CYTH3: variants seen among roughly 807,000 people sequenced by gnomAD.
CYTH3 encodes the protein cytohesin 3.
A neutral mutation model predicts 55.1 loss-of-function variants in CYTH3; 23 were observed. The ratio of observed to expected loss-of-function variants is 0.42; its 90% CI spans 0.30 to 0.59. CYTH3 has a LOEUF of 0.59. CYTH3 is among the 20% of genes least tolerant of loss of function. The pLI is 0.20. For synonymous variants in CYTH3, 249 were observed against 194.9 expected (o/e 1.28, Z -2.31); for missense variants, 413 against 524.8 (o/e 0.79, Z 2.08).
At chr7:6,210,550 T>C (rs928922690) in intron 1 of CYTH3, among the ~76,000 whole-genome samples, 22 of 152,238 alleles carry the variant, frequency 1.4e-4, no homozygotes, top group African/African-American at 5.1e-4. Flanking sequence ...AGAACTTAAG[T>C]TGGGAAGATA....
chr7:6,252,825 T>C (rs1780008816), intron 1 of CYTH3, among the ~76,000 whole-genome samples: 2 of 152,246 alleles, frequency 1.3e-5, no homozygotes, highest in African/African-American at 4.8e-5. Flanking sequence ...AATTTTCCAA[T>C]TGTTAAGTTC....
intron 1 of CYTH3, among the ~76,000 whole-genome samples, chr7:6,202,940 G>A (rs1000296255): frequency 2.0e-5 from 3 of 152,008 alleles, no homozygotes; most frequent in South Asian, 2.1e-4. Context: ...TAAAACATAC[G>A]AATACATAAA....
At position 6,272,537 on chromosome 7, in the gene CYTH3, G is replaced by C; in HGVS notation, c.-30C>G. The C allele has an allele frequency of 2.3e-6, 3 of 1,308,284 alleles. No homozygotes were observed. The highest frequency in any genetic ancestry group is 1.5e-5 in the African/African-American group (1 of 64,576). 81.0% of individuals were successfully genotyped at this position (1,308,284 alleles called of 1,614,324 possible). The stretch of plus-strand genomic sequence containing the variant: ...AGGCCACTCCCGCAGCCGGCGAGCC[G>C]GGGGCCGGCAGCAGAGGGGCCGCGG... On this transcript the variant is annotated 5_prime_UTR_variant, in exon 1 of 13. Coordinates refer to ENST00000350796, the MANE Select transcript of CYTH3 (RefSeq NM_004227.4).
chr7:6,234,919 G>T (rs1008405761), intron 1 of CYTH3, among the ~76,000 whole-genome samples: 6 of 152,166 alleles, frequency 3.9e-5, no homozygotes, highest in African/African-American at 1.2e-4. Context: ...AGGTCATTCA[G>T]TTATCAATGG....
At chr7:6,259,449 A>G (rs933274911) in intron 1 of CYTH3, among the ~76,000 whole-genome samples, 2 of 152,028 alleles carry the variant, frequency 1.3e-5, no homozygotes, top group Non-Finnish European at 2.9e-5. Flanking sequence ...AAAGTAAATC[A>G]AAATATCTTC....
chr7:6,244,059 A>C (rs997126078), intron 1 of CYTH3, among the ~76,000 whole-genome samples: 3 of 152,228 alleles, frequency 2.0e-5, no homozygotes, highest in Non-Finnish European at 4.4e-5. Context: ...CTGGTACTAA[A>C]ATAGTAAGTA....
At chr7:6,221,040 T>C (rs1483803436) in intron 1 of CYTH3, among the ~76,000 whole-genome samples, 1 of 151,624 alleles carries the variant, frequency 6.6e-6, no homozygotes, top group Non-Finnish European at 1.5e-5. Flanking sequence ...TCCAGCAATA[T>C]CACCTGAGAA....
At chr7:6,204,799 T>C (rs1172000973) in intron 1 of CYTH3, among the ~76,000 whole-genome samples, 1 of 152,214 alleles carries the variant, frequency 6.6e-6, no homozygotes, top group Non-Finnish European at 1.5e-5. Context: ...TATCGAACTA[T>C]AACAAACTAC....
At chr7:6,196,388 C>A (rs1385728072) in intron 1 of CYTH3, among the ~76,000 whole-genome samples, 1 of 151,734 alleles carries the variant, frequency 6.6e-6, no homozygotes, top group Non-Finnish European at 1.5e-5. Flanking sequence ...AAGAAGCAAG[C>A]AGGCAGTTCT....
chr7:6,234,308 G>C (rs982781562), intron 1 of CYTH3, among the ~76,000 whole-genome samples: 4 of 152,062 alleles, frequency 2.6e-5, no homozygotes, highest in African/African-American at 4.8e-5. Flanking sequence ...CACTGCCCTG[G>C]AAAAAGAAGA....
intron 1 of CYTH3, among the ~76,000 whole-genome samples, chr7:6,211,103 T>A (rs1784309987): frequency 6.6e-6 from 1 of 152,212 alleles, no homozygotes; most frequent in South Asian, 2.1e-4. Flanking sequence ...GTTCCTCACC[T>A]GAGCCTATAG....
chr7:6,166,988 C>T (rs893809730), intron 9 of CYTH3, among the ~76,000 whole-genome samples: 1 of 152,132 alleles, frequency 6.6e-6, no homozygotes, highest in Non-Finnish European at 1.5e-5. Context: ...CTGCATCTCC[C>T]CAGCCCTCAG....
intron 1 of CYTH3, among the ~76,000 whole-genome samples, chr7:6,202,241 T>C (rs1477333144): frequency 6.6e-6 from 1 of 152,116 alleles, no homozygotes; most frequent in African/African-American, 2.4e-5. Context: ...ATCCATTGTG[T>C]AAAGAAACCA....
chr7:6,262,794 C>A (rs1780384035), intron 1 of CYTH3, among the ~76,000 whole-genome samples: 1 of 152,238 alleles, frequency 6.6e-6, no homozygotes, highest in Non-Finnish European at 1.5e-5. Context: ...TGGCACATGC[C>A]TGTAGTCCTA....
intron 1 of CYTH3, among the ~76,000 whole-genome samples, chr7:6,247,873 GAACTCCTGGTCTTA>G (rs1779861821): frequency 6.6e-6 from 1 of 151,696 alleles, no homozygotes; most frequent in Non-Finnish European, 1.5e-5. Flanking sequence ...GGCTGGTCTC[GAACTCCTGGTCTTA>G]AACTCCTGGG....
intron 1 of CYTH3, among the ~76,000 whole-genome samples, chr7:6,200,684 A>C (rs1197565948): frequency 6.6e-6 from 1 of 152,244 alleles, no homozygotes; most frequent in Non-Finnish European, 1.5e-5. Flanking sequence ...CACTACATGG[A>C]AACTCTACAT....
chr7:6,231,103 C>T (rs1779382476), intron 1 of CYTH3, among the ~76,000 whole-genome samples: 1 of 152,228 alleles, frequency 6.6e-6, no homozygotes, highest in Non-Finnish European at 1.5e-5. Flanking sequence ...CTTCATCAAA[C>T]ACTACTGCCT....
At chr7:6,185,797 A>G (rs1036161760) in intron 4 of CYTH3, among the ~76,000 whole-genome samples, 1 of 152,110 alleles carries the variant, frequency 6.6e-6, no homozygotes, top group Non-Finnish European at 1.5e-5. Context: ...ACTTCTGTAA[A>G]TATCACCTGC....
At chr7:6,208,237 G>C (rs1784241157) in intron 1 of CYTH3, among the ~76,000 whole-genome samples, 1 of 152,242 alleles carries the variant, frequency 6.6e-6, no homozygotes, top group African/African-American at 2.4e-5. Flanking sequence ...TTAAATAACT[G>C]CTTTGTATTT....
Sources: gnomAD v4.1 joint callset for allele counts (sites outside exome capture counted in the v4.1 genomes callset) on GRCh38, gnomAD v4.1.1 for gene constraint, MANE v1.5 for transcripts, NCBI Gene and HGNC (gene_info 2026-07-23, HGNC 2026-07-21) for gene names.